The following METTL25 variants were observed in gnomAD, a reference collection of about 807,000 sequenced individuals.
The protein encoded by METTL25 is probable methyltransferase-like protein 25.
METTL25 carries 64 observed loss-of-function variants against 71.6 expected under a neutral mutation model. That is an observed-to-expected ratio of 0.89 (90% CI 0.73 to 1.10). The LOEUF is 1.10. METTL25 is among the 50% of genes least tolerant of loss of function. METTL25 has a pLI of 0.00. For missense variants in METTL25, 807 were observed against 707.0 expected, an observed-to-expected ratio of 1.14 and a Z score of -1.60; for synonymous variants, 287 against 250.3, an observed-to-expected ratio of 1.15 and a Z score of -1.38.
chr12:82,453,993 G>T (rs938073959), intron 8 of METTL25, among the ~76,000 whole-genome samples: 3 of 151,978 alleles, frequency 2.0e-5, no homozygotes, highest in African/African-American at 4.8e-5. Flanking sequence ...ATGCAAAAAT[G>T]AATATTTATT....
At chr12:82,364,860 C>T (rs188516804) in intron 1 of METTL25, among the ~76,000 whole-genome samples, 3 of 152,178 alleles carry the variant, frequency 2.0e-5, no homozygotes, top group Admixed American at 1.3e-4. Flanking sequence ...AAATAACATA[C>T]TATTGTTATT....
intron 1 of METTL25, among the ~76,000 whole-genome samples, chr12:82,365,456 A>C (rs1009555750): frequency 6.6e-6 from 1 of 152,252 alleles, no homozygotes; most frequent in African/African-American, 2.4e-5. Context: ...CAAAAAAGCC[A>C]GTAGAGACAG....
intron 8 of METTL25, among the ~76,000 whole-genome samples, chr12:82,446,607 A>G (rs963530124): frequency 2.0e-5 from 3 of 149,640 alleles, no homozygotes; most frequent in Admixed American, 6.7e-5. Context: ...AAATTTTAAA[A>G]TTTCTTTTTT....
At chr12:82,405,521 T>G (rs1434307057) in intron 5 of METTL25, among the ~76,000 whole-genome samples, 3 of 152,190 alleles carry the variant, frequency 2.0e-5, no homozygotes, top group Admixed American at 6.6e-5. Context: ...CAGAAGTTAC[T>G]TGCCAGGATT....
chr12:82,393,019 T>C (rs1244876194), intron 3 of METTL25, among the ~76,000 whole-genome samples: 1 of 152,094 alleles, frequency 6.6e-6, no homozygotes, highest in Non-Finnish European at 1.5e-5. Flanking sequence ...TCATACTGTT[T>C]GGGTTAGTAT....
At chr12:82,385,937 T>C (rs1395499535) in intron 1 of METTL25, among the ~76,000 whole-genome samples, 2 of 152,144 alleles carry the variant, frequency 1.3e-5, no homozygotes, top group African/African-American at 4.8e-5. Context: ...ATGGTTCACC[T>C]TGGCAAGATA....
intron 4 of METTL25, among the ~76,000 whole-genome samples, chr12:82,400,973 C>T (rs1276398751): frequency 1.3e-5 from 2 of 152,178 alleles, no homozygotes; most frequent in Admixed American, 6.5e-5. Flanking sequence ...AGCTTTATTA[C>T]TCTGTCCCTA....
At chr12:82,380,670 G>A (rs967212195) in intron 1 of METTL25, among the ~76,000 whole-genome samples, 6 of 152,110 alleles carry the variant, frequency 3.9e-5, no homozygotes, top group Non-Finnish European at 7.4e-5. Flanking sequence ...GTTCTTCCTC[G>A]TTCATTCATT....
intron 5 of METTL25, among the ~76,000 whole-genome samples, chr12:82,418,972 T>C (rs4882390): frequency 0.92 from 140,153 of 152,162 alleles, 64,900 homozygotes; most frequent in East Asian, 1. Context: ...GATCTAAATC[T>C]ACATCAGTAA....
intron 1 of METTL25, among the ~76,000 whole-genome samples, chr12:82,379,104 G>T (rs960272900): frequency 1.3e-5 from 2 of 152,096 alleles, no homozygotes; most frequent in Admixed American, 1.3e-4. Flanking sequence ...AAAAGTCTAG[G>T]TCCAGATCAA....
In METTL25 at chr12:82,455,734, G is replaced by A. The variant is rs148694051; in HGVS notation, c.1479-993G>A. Among the ~76,000 whole-genome samples the A allele has an allele frequency of 3.0e-3, 452 of 151,996 alleles. 8 individuals are homozygous for A. Among genetic ancestry groups the A allele is most frequent in the African/African-American group, 0.01 (425 of 41,520 alleles). On this transcript the variant is annotated intron_variant, in intron 8 of 11. Coordinates refer to ENST00000248306, the MANE Select transcript of METTL25 (RefSeq NM_032230.3). The stretch of plus-strand genomic sequence containing the variant: ...AATACTGGAATGTAATGGGATATGC[G>A]GTTGAGAAATGTGATTATAGTGGGC...
At chr12:82,386,208 G>C (rs577418598) in intron 1 of METTL25, among the ~76,000 whole-genome samples, 1 of 152,186 alleles carries the variant, frequency 6.6e-6, no homozygotes, top group African/African-American at 2.4e-5. Flanking sequence ...CCGCCCCCCT[G>C]CCACAAGTCT....
intron 5 of METTL25, among the ~76,000 whole-genome samples, chr12:82,407,002 T>A (rs1054564687): frequency 2.0e-5 from 3 of 152,162 alleles, no homozygotes; most frequent in African/African-American, 7.2e-5. Context: ...GTCTTATTCT[T>A]GCTCATGTCT....
chr12:82,382,066 T>C (rs1200270883), intron 1 of METTL25, among the ~76,000 whole-genome samples: 1 of 152,170 alleles, frequency 6.6e-6, no homozygotes, highest in Non-Finnish European at 1.5e-5. Flanking sequence ...GCTTTGCCAG[T>C]GGGTGAGTGA....
chr12:82,369,455 A>T, intron 1 of METTL25: 1 of 451,042 alleles, frequency 2.2e-6, no homozygotes, highest in Non-Finnish European at 4.4e-6. Context: ...ACAGCTCTTA[A>T]AGATGGTGTG....
chr12:82,479,110 C>G lies in METTL25; in HGVS notation c.*86C>G. 1 of 1,031,808 alleles carries G rather than the reference C, an allele frequency of 9.7e-7. No individual in the cohort carries two copies. Among genetic ancestry groups the G allele is most frequent in the Non-Finnish European group, 1.5e-6 (1 of 688,800 alleles). The allele number at this position is 1,031,808 out of a possible 1,614,324, so 63.9% of individuals were successfully genotyped here. The stretch of plus-strand genomic sequence containing the variant: ...TTCTAAACATATATGTCCTGTTATA[C>G]AAAAATTTTTAAATGACTGTTATGT... On this transcript the variant is annotated 3_prime_UTR_variant, in exon 12 of 12. Transcript: ENST00000248306.
intron 7 of METTL25, among the ~76,000 whole-genome samples, chr12:82,438,072 G>T (rs1242775546): frequency 6.6e-6 from 1 of 151,642 alleles, no homozygotes. Context: ...CTTCTCTTCA[G>T]CTATTGCTTC....
At chr12:82,476,812 G>T (rs1892907783) in intron 10 of METTL25, 94 bp downstream of exon 10, 3 of 751,300 alleles carry the variant, frequency 4.0e-6, no homozygotes, top group African/African-American at 1.8e-5. Context: ...AATCTATGTT[G>T]TTTTTCTCTT....
At position 82,477,282 on chromosome 12, in the gene METTL25, T is replaced by A; in HGVS notation, c.1649T>A (p.Leu550Ter). The A allele has an allele frequency of 6.6e-7, 1 of 1,519,952 alleles. No individual in the cohort carries two copies. Among genetic ancestry groups the A allele is most frequent in the South Asian group, 1.3e-5 (1 of 77,748 alleles). The allele number at this position is 1,519,952 out of a possible 1,614,324, so 94.2% of individuals were successfully genotyped here. The part of the protein sequence containing the change: ...RMNELEAFNM[L>*]KVVLAPCIET... ...ACCTATCTAATTTTTTTATTTTAGT[T>A]GAAAGTTGTACTGGCTCCCTGTATA... Residue 550 changes from leucine (L) to a stop codon, truncating the protein, a stop_gained and splice_region_variant, in exon 11 of 12, where the codon TTG becomes TAG. Transcript: ENST00000248306. LOFTEE classifies it high-confidence loss of function.
Sources: gnomAD v4.1 joint callset for allele counts (sites outside exome capture counted in the v4.1 genomes callset) on GRCh38, gnomAD v4.1.1 for gene constraint, MANE v1.5 for transcripts, NCBI Gene and HGNC (gene_info 2026-07-23, HGNC 2026-07-21) for gene names.